TEX2: variants seen among roughly 807,000 people sequenced by gnomAD.
TEX2 encodes the protein testis-expressed protein 2.
Under a neutral mutation model 106.9 loss-of-function variants are expected in TEX2, and 53 were observed. That is an observed-to-expected ratio of 0.50 (90% CI 0.40 to 0.62). The LOEUF (loss-of-function observed/expected upper bound fraction) is 0.62. Among genes scored for constraint, TEX2 ranks in the 20% least tolerant of loss-of-function variants. The pLI is 0.00. For synonymous variants in TEX2, 523 were observed against 534.8 expected, an observed-to-expected ratio of 0.98 and a Z score of 0.30; for missense variants, 1,207 against 1,379.0, an observed-to-expected ratio of 0.88 and a Z score of 1.98.
chr17:64,160,281 T>C (rs1466368789), intron 8 of TEX2, among the ~76,000 whole-genome samples: 6 of 152,306 alleles, frequency 3.9e-5, no homozygotes, highest in African/African-American at 1.4e-4. Context: ...AGATACACTA[T>C]CTACAAAGAG....
At chr17:64,253,066 G>A (rs1299487030) in intron 1 of TEX2, among the ~76,000 whole-genome samples, 6 of 152,126 alleles carry the variant, frequency 3.9e-5, no homozygotes, top group South Asian at 2.1e-4. Flanking sequence ...AAACATGTTC[G>A]GAATGTAGAT....
At chr17:64,259,510 G>C (rs1430015744) in intron 1 of TEX2, among the ~76,000 whole-genome samples, 1 of 152,222 alleles carries the variant, frequency 6.6e-6, no homozygotes, top group Non-Finnish European at 1.5e-5. Flanking sequence ...GGAAGACAAA[G>C]GGAGCTGTCT....
intron 4 of TEX2, among the ~76,000 whole-genome samples, chr17:64,188,766 A>T (rs1365576431): frequency 6.6e-6 from 1 of 151,832 alleles, no homozygotes; most frequent in Non-Finnish European, 1.5e-5. Context: ...CAGTGAGCCA[A>T]GATCATGCCA....
chr17:64,176,331 CT>C (rs2031614748), intron 6 of TEX2, among the ~76,000 whole-genome samples: 2 of 152,288 alleles, frequency 1.3e-5, no homozygotes, highest in South Asian at 4.1e-4. Flanking sequence ...TATTTTCCTT[CT>C]AATCTAGTTT....
intron 8 of TEX2, among the ~76,000 whole-genome samples, chr17:64,158,008 G>T (rs1419232679): frequency 1.3e-5 from 2 of 152,220 alleles, no homozygotes; most frequent in Admixed American, 1.3e-4. Context: ...CCTCTGCAGG[G>T]CAGTTCCTAA....
In TEX2 at chr17:64,231,957, A is replaced by G. The variant is rs563420483; in HGVS notation, c.-25-17715T>C. Among the ~76,000 whole-genome samples, 349 of 152,304 alleles carry G rather than the reference A, an allele frequency of 2.3e-3. 3 individuals carry two copies. The highest frequency in any genetic ancestry group is 8.2e-3 in the African/African-American group (339 of 41,554). On this transcript the variant is annotated intron_variant, in intron 1 of 11. Transcript: ENST00000584379. Reference sequence around the variant, plus strand: ...CCGTGCCGACTCAGCCTGTGGACTCACCGGCATGTTATCCGGGATCAGACA... The same window carrying G: ...CCGTGCCGACTCAGCCTGTGGACTCGCCGGCATGTTATCCGGGATCAGACA...
chr17:64,233,697 C>T (rs536205460), intron 1 of TEX2, among the ~76,000 whole-genome samples: 13 of 152,328 alleles, frequency 8.5e-5, no homozygotes, highest in African/African-American at 2.9e-4. Context: ...ATATAGTCTA[C>T]ACCTACCTTG....
chr17:64,241,898 G>A (rs1270610293), intron 1 of TEX2, among the ~76,000 whole-genome samples: 9 of 152,134 alleles, frequency 5.9e-5, no homozygotes, highest in African/African-American at 2.2e-4. Flanking sequence ...CTCCCAAAGA[G>A]CTGGGATTAC....
At chr17:64,179,957 C>T (rs772701585) in intron 5 of TEX2, among the ~76,000 whole-genome samples, 1 of 152,182 alleles carries the variant, frequency 6.6e-6, no homozygotes, top group African/African-American at 2.4e-5. Context: ...GAGTCTGCAG[C>T]GGTGAATGCT....
At chr17:64,181,235 T>C (rs998384132) in intron 5 of TEX2, among the ~76,000 whole-genome samples, 4 of 152,108 alleles carry the variant, frequency 2.6e-5, no homozygotes, top group Non-Finnish European at 4.4e-5. Context: ...CCCAGCACTT[T>C]GGGAGGCCAA....
At chr17:64,197,958 T>C (rs563539446) in intron 2 of TEX2, among the ~76,000 whole-genome samples, 1 of 152,184 alleles carries the variant, frequency 6.6e-6, no homozygotes, top group Non-Finnish European at 1.5e-5. Context: ...CAGTTAAAAA[T>C]ATTTTCTATT....
At position 64,213,700 on chromosome 17, in the gene TEX2, A is replaced by G; in HGVS notation, c.518T>C (p.Leu173Pro). The stretch of plus-strand genomic sequence containing the variant: ...GGTGGAGGTTGAGGCACTGGATGAG[A>G]GGATGGGAGACTTAGAAGGAGAGGA... ...PLSSPSKSPI[L>P]SSSASTSTLS... The change falls in exon 2 of 12, where the codon CTC (leucine) becomes CCC (proline). Residue 173 changes from leucine to proline, a missense_variant. By Grantham distance (98) the Leu-to-Pro change is moderately conservative (BLOSUM62 -3). Around this residue, in one of 3 missense-constraint regions of TEX2, gnomAD observed 1,067 missense variants for 1,193.6 expected, o/e 0.89. Coordinates refer to ENST00000584379, the MANE Select transcript of TEX2 (RefSeq NM_001288732.2). The surrounding 1 kb of genome is among the most constrained non-coding windows in gnomAD (Gnocchi z 4.4). 6.2e-7 allele frequency: 1 copy of G among 1,614,066 alleles called. No individual in the cohort carries two copies. The highest frequency in any genetic ancestry group is 1.3e-5 in the African/African-American group (1 of 74,998).
intron 1 of TEX2, among the ~76,000 whole-genome samples, chr17:64,233,951 C>T (rs1555634864): frequency 6.6e-6 from 1 of 152,178 alleles, no homozygotes; most frequent in African/African-American, 2.4e-5. Context: ...TGGTCCTAAC[C>T]CCCCAACTCA....
Position 64,160,895 on chromosome 17 carries a change from A to C in TEX2, c.2710T>G (p.Phe904Val). The change falls in exon 8 of 12, where the codon TTT (phenylalanine) becomes GTT (valine). Residue 904 changes from phenylalanine to valine, a missense_variant. By Grantham distance (50) the Phe-to-Val change is conservative. This residue lies in a region of TEX2 where 1,067 missense variants were observed against 1,193.6 expected (regional missense o/e 0.89). Transcript: ENST00000584379. Reference sequence around the variant, plus strand: ...ATTTTGGTCTCGAGAGTCATCAGAAAGGACCCATTGTAGGACATTTCCAAA... The same window carrying C: ...ATTTTGGTCTCGAGAGTCATCAGAACGGACCCATTGTAGGACATTTCCAAA... The part of the protein sequence containing the change: ...IDLEMSYNGS[F>V]LMTLETKMNL... The C allele has an allele frequency of 6.2e-7, 1 of 1,614,208 alleles. No homozygotes were observed. The highest frequency in any genetic ancestry group is 1.1e-5 in the South Asian group (1 of 91,092).
At chr17:64,168,406 C>T (rs1489508976) in intron 7 of TEX2, among the ~76,000 whole-genome samples, 2 of 152,232 alleles carry the variant, frequency 1.3e-5, no homozygotes, top group Non-Finnish European at 2.9e-5. Flanking sequence ...TCTCTAAAAA[C>T]GTACCCTGAA....
At chr17:64,158,296 C>T (rs909455204) in intron 8 of TEX2, among the ~76,000 whole-genome samples, 5 of 152,150 alleles carry the variant, frequency 3.3e-5, no homozygotes, top group African/African-American at 9.7e-5. Flanking sequence ...TCAGAGACTC[C>T]GCAAAAGCAC....
chr17:64,202,138 C>T (rs1306745330), intron 2 of TEX2, among the ~76,000 whole-genome samples: 2 of 152,104 alleles, frequency 1.3e-5, no homozygotes, highest in African/African-American at 4.8e-5. Context: ...CCCCAGAAAC[C>T]AAAGATTTTC....
intron 8 of TEX2, among the ~76,000 whole-genome samples, chr17:64,159,095 G>T (rs550247621): frequency 6.6e-6 from 1 of 152,158 alleles, no homozygotes; most frequent in Non-Finnish European, 1.5e-5. Context: ...TTATGAACTT[G>T]AAACTGGGCT....
intron 1 of TEX2, among the ~76,000 whole-genome samples, chr17:64,261,902 A>C (rs535343235): frequency 6.6e-5 from 10 of 152,220 alleles, no homozygotes; most frequent in Non-Finnish European, 1.2e-4. Context: ...ATATGAGACA[A>C]GCGTCTCTGT....
Sources: allele counts gnomAD v4.1 joint callset (sites outside exome capture counted in the v4.1 genomes callset), GRCh38; gene constraint gnomAD v4.1.1; regional missense constraint gnomAD v4.1.1; non-coding constraint Gnocchi (gnomAD v3.1); transcripts MANE v1.5; gene names NCBI Gene and HGNC (gene_info 2026-07-23, HGNC 2026-07-21).